CRB1: variants seen among roughly 807,000 people sequenced by gnomAD.
The protein encoded by CRB1 is protein crumbs homolog 1.
In CRB1, 83 loss-of-function variants were observed where a neutral mutation model predicts 120.0. That is an observed-to-expected ratio of 0.69 (90% CI 0.58 to 0.83). The LOEUF (loss-of-function observed/expected upper bound fraction) is 0.83, where lower values mean the gene tolerates loss of function less well. CRB1 is among the 40% of genes least tolerant of loss of function. The pLI, the probability that CRB1 is intolerant of heterozygous loss-of-function variation, is 0.00. For missense variants in CRB1, 1,699 were observed against 1,687.6 expected, an observed-to-expected ratio of 1.01 and a Z score of -0.12; for synonymous variants, 625 against 612.5, an observed-to-expected ratio of 1.02 and a Z score of -0.30.
chr1:197,214,211 C>T, the CRB1 span, among the ~76,000 whole-genome samples: 5 of 152,020 alleles, frequency 3.3e-5, no homozygotes, highest in Non-Finnish European at 5.9e-5. Context: ...GGAAACATTA[C>T]ATTTGATACT....
chr1:197,253,865 AC>A, the CRB1 span, among the ~76,000 whole-genome samples: 1 of 152,026 alleles, frequency 6.6e-6, no homozygotes, highest in African/African-American at 2.4e-5. Flanking sequence ...TTCGATTACC[AC>A]CTATAAGTAA....
At chr1:197,264,219 A>G (rs1164933479), upstream of CRB1, among the ~76,000 whole-genome samples, 1 of 152,248 alleles carries the variant, frequency 6.6e-6, no homozygotes, top group Non-Finnish European at 1.5e-5. Flanking sequence ...AAGTGAGAAC[A>G]TGCGGTATTT....
At chr1:197,452,244 G>A (rs1327631960) in intron 11 of CRB1, among the ~76,000 whole-genome samples, 1 of 152,196 alleles carries the variant, frequency 6.6e-6, no homozygotes, top group East Asian at 1.9e-4. Flanking sequence ...TTGCCAGAGA[G>A]ATTGTGAATG....
intron 5 of CRB1, chr1:197,363,862 G>A: frequency 1.1e-6 from 1 of 915,960 alleles, no homozygotes; most frequent in Non-Finnish European, 1.8e-6. Context: ...GATGGTATAG[G>A]AAGGGAACGT....
chr1:197,240,357 A>G, the CRB1 span, among the ~76,000 whole-genome samples: 2 of 151,996 alleles, frequency 1.3e-5, no homozygotes, highest in African/African-American at 4.8e-5. Context: ...TTCTAATGCT[A>G]TCCCTTCCTA....
chr1:197,266,319 G>C (rs1654631708), upstream of CRB1, among the ~76,000 whole-genome samples: 1 of 152,056 alleles, frequency 6.6e-6, no homozygotes. Flanking sequence ...CCTCATAGAA[G>C]GTTCCTTCTA....
Position 197,438,685 on chromosome 1 carries a change from A to G in CRB1, c.3878+10A>G, listed in dbSNP as rs886043311. On this transcript the variant is annotated intron_variant, in intron 10 of 11. Transcript: ENST00000367400. ...GTTTTACTGGAGAATGGTGAGTCACATTAGAGCCTTCTGGAAGAGAATTCT... is the reference window on the plus strand; with the variant it reads ...GTTTTACTGGAGAATGGTGAGTCACGTTAGAGCCTTCTGGAAGAGAATTCT... The G allele has an allele frequency of 8.1e-6, 13 of 1,611,376 alleles. No individual in the cohort carries two copies. Among genetic ancestry groups the G allele is most frequent in the Non-Finnish European group, 1.0e-5 (12 of 1,178,034 alleles).
chr1:197,333,535 A>G (rs2884645), intron 2 of CRB1, among the ~76,000 whole-genome samples: 58,502 of 152,150 alleles, frequency 0.38, 13,316 homozygotes, highest in East Asian at 0.77. Flanking sequence ...GAGGGCAGAG[A>G]AAGGCCAGTT....
chr1:197,398,965 T>G (rs943191787), intron 5 of CRB1, among the ~76,000 whole-genome samples: 1 of 151,776 alleles, frequency 6.6e-6, no homozygotes, highest in Non-Finnish European at 1.5e-5. Flanking sequence ...TATATGTGAC[T>G]ATATATATGT....
At chr1:197,448,808 G>C (rs1177056639) in intron 11 of CRB1, among the ~76,000 whole-genome samples, 2 of 152,132 alleles carry the variant, frequency 1.3e-5, no homozygotes, top group Non-Finnish European at 2.9e-5. Context: ...ATCTATGCAT[G>C]TACACACAAA....
At chr1:197,419,144 G>A (rs1272355685) in intron 5 of CRB1, among the ~76,000 whole-genome samples, 1 of 152,124 alleles carries the variant, frequency 6.6e-6, no homozygotes, top group African/African-American at 2.4e-5. Context: ...CATAGATGAG[G>A]AAACAAATAT....
At chr1:197,277,913 T>G (rs1351518592) in intron 1 of CRB1, among the ~76,000 whole-genome samples, 1 of 151,852 alleles carries the variant, frequency 6.6e-6, no homozygotes, top group Non-Finnish European at 1.5e-5. Flanking sequence ...ATGAGCAGAG[T>G]GTTTTTAGTG....
At chr1:197,379,525 C>G (rs1165798150) in intron 5 of CRB1, among the ~76,000 whole-genome samples, 1 of 149,556 alleles carries the variant, frequency 6.7e-6, no homozygotes, top group African/African-American at 2.5e-5. Flanking sequence ...TGGTCTCAAT[C>G]TCCTGACCTC....
intron 11 of CRB1, among the ~76,000 whole-genome samples, chr1:197,466,180 C>T (rs1243942585): frequency 6.6e-6 from 1 of 152,104 alleles, no homozygotes; most frequent in Non-Finnish European, 1.5e-5. Flanking sequence ...ACATTTAAGC[C>T]CTATTTGATT....
Position 197,421,209 on chromosome 1 carries a change from C to T in CRB1, c.1381C>T (p.Gln461Ter), listed in dbSNP as rs1664292210. ...TAATGGAACATGCATCCCTCACTTC[C>T]AAGATGGCCAGCATGGATTCAGCTG... ...LNNGTCIPHF[Q>*]DGQHGFSCLC... The change falls in exon 6 of 12, where the codon CAA (glutamine) becomes TAA (stop). Residue 461 changes from glutamine to a stop codon, truncating the protein, a stop_gained. Coordinates refer to ENST00000367400, the MANE Select transcript of CRB1 (RefSeq NM_201253.3). LOFTEE classifies it high-confidence loss of function. The T allele has an allele frequency of 6.2e-7, 1 of 1,614,104 alleles. No individual in the cohort carries two copies. Among genetic ancestry groups the T allele is most frequent in the South Asian group, 1.1e-5 (1 of 91,092 alleles).
intron 1 of CRB1, among the ~76,000 whole-genome samples, chr1:197,324,333 A>G (rs11809356): frequency 0.072 from 10,934 of 152,236 alleles, 1,340 homozygotes; most frequent in African/African-American, 0.25. Flanking sequence ...GCATTTACTA[A>G]GCACCAACTA....
chr1:197,279,943 G>A (rs1655429835), intron 1 of CRB1, among the ~76,000 whole-genome samples: 1 of 151,046 alleles, frequency 6.6e-6, no homozygotes, highest in South Asian at 2.1e-4. Context: ...TAGGCTGAAT[G>A]TTTTTACATA....
At position 197,435,621 on chromosome 1, in the gene CRB1, A is replaced by T; in HGVS notation, c.3749+9A>T. The T allele has an allele frequency of 6.2e-7, 1 of 1,608,006 alleles. No homozygotes were observed. Among genetic ancestry groups the T allele is most frequent in the Admixed American group, 1.7e-5 (1 of 59,432 alleles). On this transcript the variant is annotated intron_variant, in intron 9 of 11. Transcript: ENST00000367400. Reference sequence around the variant, plus strand: ...ACAGGAAAATTTTGCAGGTGAGCATAAAGTCCATATGAAGCTTGGTCTTTG... The same window carrying T: ...ACAGGAAAATTTTGCAGGTGAGCATTAAGTCCATATGAAGCTTGGTCTTTG...
chr1:197,380,126 GCCCAAGGTGAT>G (rs1558095161), intron 5 of CRB1, among the ~76,000 whole-genome samples: 1 of 152,168 alleles, frequency 6.6e-6, no homozygotes, highest in Non-Finnish European at 1.5e-5. Context: ...GTTCTGCAGA[GCCCAAGGTGAT>G]TAAATTGAAG....
Sources: allele counts gnomAD v4.1 joint callset (sites outside exome capture counted in the v4.1 genomes callset), GRCh38; gene constraint gnomAD v4.1.1; transcripts MANE v1.5; gene names NCBI Gene and HGNC (gene_info 2026-07-23, HGNC 2026-07-21).